Variants in SHANK2 observed in about 807,000 individuals in gnomAD.
SHANK2 encodes the protein SH3 and multiple ankyrin repeat domains protein 2.
A neutral mutation model predicts 133.7 loss-of-function variants in SHANK2; 43 were observed. That is an observed-to-expected ratio of 0.32 (90% CI 0.25 to 0.41). The LOEUF is 0.41. Among genes scored for constraint, SHANK2 ranks in the 10% least tolerant of loss-of-function variants. The probability of loss-of-function intolerance (pLI) is 1.00; values close to 1 mark genes in which losing one functional copy is unlikely to be tolerated. For synonymous variants in SHANK2, 1,017 were observed against 952.8 expected (o/e 1.07, Z -1.24); for missense variants, 1,994 against 2,235.8 (o/e 0.89, Z 2.18).
intron 17 of SHANK2, among the ~76,000 whole-genome samples, chr11:70,519,290 G>A (rs1024361697): frequency 6.6e-6 from 1 of 152,154 alleles, no homozygotes; most frequent in Non-Finnish European, 1.5e-5. Flanking sequence ...CCAGATACGG[G>A]CCGGATACTC....
chr11:70,656,010 C>A (rs1478942739), intron 17 of SHANK2, among the ~76,000 whole-genome samples: 2 of 152,190 alleles, frequency 1.3e-5, no homozygotes, highest in Non-Finnish European at 2.9e-5. Flanking sequence ...GTGAGCCCTG[C>A]ATGACATCCA....
chr11:70,876,376 C>T (rs1380924580), intron 11 of SHANK2, among the ~76,000 whole-genome samples: 3 of 150,940 alleles, frequency 2.0e-5, no homozygotes, highest in South Asian at 2.1e-4. Context: ...CTGGCTAACA[C>T]GGTGAAACCT....
chr11:71,180,640 C>T (rs890519594), intron 2 of SHANK2, among the ~76,000 whole-genome samples: 6 of 151,884 alleles, frequency 4.0e-5, no homozygotes, highest in African/African-American at 1.2e-4. Flanking sequence ...ATTTTTTTGG[C>T]GGGGGCGGCG....
intron 10 of SHANK2, among the ~76,000 whole-genome samples, chr11:70,907,382 T>C (rs1484785472): frequency 6.6e-6 from 1 of 152,200 alleles, no homozygotes; most frequent in African/African-American, 2.4e-5. Flanking sequence ...CAGGTAGCAC[T>C]GTGCGGTGGT....
In SHANK2 at chr11:70,641,243, A is replaced by G. The variant is rs1388316630; in HGVS notation, c.2061+18585T>C. ...CCTGAGTAGCTGGGACTACAGGCGC[A>G]TGCCACCACGCCTGGATAATTTTTT... On this transcript the variant is annotated intron_variant, in intron 17 of 25. Coordinates refer to ENST00000601538, the MANE Select transcript of SHANK2 (RefSeq NM_012309.5). Among the ~76,000 whole-genome samples, 3 of 151,868 alleles carry G rather than the reference A, an allele frequency of 2.0e-5. No individual in the cohort carries two copies. The East Asian group carries it at 5.8e-4, about 29-fold the overall frequency.
rs547724861 is a variant in SHANK2, at chr11:70,775,025, T to C, written c.1777+23418A>G. Reference sequence around the variant, plus strand: ...AACATTGCTTTTAGGCTGGGTGTGGTGATGCACACCTATAATCCAACACTT... The same window carrying C: ...AACATTGCTTTTAGGCTGGGTGTGGCGATGCACACCTATAATCCAACACTT... On this transcript the variant is annotated intron_variant, in intron 14 of 25. Coordinates refer to ENST00000601538, the MANE Select transcript of SHANK2 (RefSeq NM_012309.5). Among the ~76,000 whole-genome samples the C allele has an allele frequency of 6.8e-4, 103 of 152,216 alleles. No homozygotes were observed. The Middle Eastern group carries it at 0.01, about 15-fold the overall frequency.
At chr11:71,065,928 T>C (rs1951049977) in intron 9 of SHANK2, among the ~76,000 whole-genome samples, 1 of 41,626 alleles carries the variant, frequency 2.4e-5, no homozygotes, top group Non-Finnish European at 4.6e-5. Context: ...AGTGGGGAAG[T>C]TGGTGGGGGC....
chr11:71,151,210 A>G (rs1396791425), intron 2 of SHANK2, among the ~76,000 whole-genome samples: 3 of 152,162 alleles, frequency 2.0e-5, no homozygotes, highest in Non-Finnish European at 2.9e-5. Flanking sequence ...CTAGTGTTTT[A>G]TAACTGGGGG....
intron 2 of SHANK2, among the ~76,000 whole-genome samples, chr11:71,187,179 A>T (rs1953691593): frequency 6.6e-6 from 1 of 152,192 alleles, no homozygotes; most frequent in African/African-American, 2.4e-5. Flanking sequence ...AATGGGGTGG[A>T]TTTGGTCCCA....
intron 17 of SHANK2, among the ~76,000 whole-genome samples, chr11:70,528,979 G>A (rs2059434834): frequency 6.6e-6 from 1 of 152,152 alleles, no homozygotes; most frequent in Admixed American, 6.5e-5. Flanking sequence ...GGAGCCTTAG[G>A]GGAGGAGACG....
intron 17 of SHANK2, among the ~76,000 whole-genome samples, chr11:70,596,592 G>A (rs1227398821): frequency 1.3e-5 from 2 of 152,246 alleles, no homozygotes; most frequent in South Asian, 2.1e-4. Flanking sequence ...CTGATGCGGG[G>A]GGGCGGCAGG....
chr11:70,488,745 G>A (rs1555155008), intron 24 of SHANK2, among the ~76,000 whole-genome samples: 2 of 152,230 alleles, frequency 1.3e-5, no homozygotes, highest in East Asian at 1.9e-4. Flanking sequence ...CACCATAATC[G>A]CAACTAACCA....
intron 10 of SHANK2, among the ~76,000 whole-genome samples, chr11:70,905,943 C>T (rs1950097850): frequency 6.6e-6 from 1 of 151,962 alleles, no homozygotes; most frequent in Non-Finnish European, 1.5e-5. Context: ...TCCTATGTAG[C>T]TGGGATTACA....
At chr11:70,717,398 A>G (rs1555027600) in intron 14 of SHANK2, among the ~76,000 whole-genome samples, 1 of 152,226 alleles carries the variant, frequency 6.6e-6, no homozygotes, top group African/African-American at 2.4e-5. Flanking sequence ...TCTGGATGCA[A>G]CTGAGAAGCC....
At chr11:71,092,389 G>A in intron 8 of SHANK2, 33 bp downstream of exon 8, 2 of 1,550,184 alleles carry the variant, frequency 1.3e-6, no homozygotes, top group South Asian at 1.2e-5. Flanking sequence ...TCAGTTCGTG[G>A]GTACAACAGA....
At chr11:70,712,319 G>A (rs1208975342) in intron 14 of SHANK2, among the ~76,000 whole-genome samples, 1 of 152,148 alleles carries the variant, frequency 6.6e-6, no homozygotes, top group Non-Finnish European at 1.5e-5. Flanking sequence ...AGCAACCTGA[G>A]TTCCCTCTCC....
intron 4 of SHANK2, among the ~76,000 whole-genome samples, chr11:71,117,591 T>A (rs1247106054): frequency 1.8e-4 from 26 of 144,664 alleles, no homozygotes; most frequent in Admixed American, 8.1e-4. Flanking sequence ...CCAATCACCA[T>A]GGTCAGTGAT....
intron 2 of SHANK2, among the ~76,000 whole-genome samples, chr11:71,192,002 A>C (rs1953803132): frequency 6.6e-6 from 1 of 152,144 alleles, no homozygotes; most frequent in African/African-American, 2.4e-5. Context: ...CTGGGACTAC[A>C]GGCCCACAAT....
chr11:70,736,031 A>C (rs146740059), intron 14 of SHANK2, among the ~76,000 whole-genome samples: 1 of 151,208 alleles, frequency 6.6e-6, no homozygotes, highest in African/African-American at 2.4e-5. Context: ...GCCTTCCTCC[A>C]CAGCCACTAG....
Sources: allele counts gnomAD v4.1 joint callset (sites outside exome capture counted in the v4.1 genomes callset), GRCh38; gene constraint gnomAD v4.1.1; transcripts MANE v1.5; gene names NCBI Gene and HGNC (gene_info 2026-07-23, HGNC 2026-07-21).